ANTXR1: variants seen among roughly 807,000 people sequenced by gnomAD.
ANTXR1 encodes the protein ANTXR cell adhesion molecule 1, also known as anthrax toxin receptor 1.
ANTXR1 carries 19 observed loss-of-function variants against 78.1 expected under a neutral mutation model. That is an observed-to-expected ratio of 0.24 (90% CI 0.17 to 0.36). The LOEUF (loss-of-function observed/expected upper bound fraction) is 0.36. Among genes scored for constraint, ANTXR1 ranks in the 10% least tolerant of loss-of-function variants. ANTXR1 has a pLI of 1.00. For missense variants in ANTXR1, 518 were observed against 718.6 expected (o/e 0.72, Z 3.19); for synonymous variants, 273 against 260.5 (o/e 1.05, Z -0.46).
At chr2:69,145,951 G>A in intron 12 of ANTXR1, 1 of 985,568 alleles carries the variant, frequency 1.0e-6, no homozygotes, top group Non-Finnish European at 1.2e-6. Flanking sequence ...GTATACCTTT[G>A]AGAACAGTGC....
At chr2:69,178,606 A>G (rs7560107) in intron 14 of ANTXR1, among the ~76,000 whole-genome samples, 12,350 of 152,100 alleles carry the variant, frequency 0.081, 1,674 homozygotes, top group African/African-American at 0.28. Flanking sequence ...TAGAGGGAGA[A>G]CTGCCCCCGT....
At chr2:69,054,845 G>A (rs561082744) in intron 3 of ANTXR1, among the ~76,000 whole-genome samples, 164 of 152,212 alleles carry the variant, frequency 1.1e-3, no homozygotes, top group African/African-American at 3.8e-3. Flanking sequence ...TCATTTTGAG[G>A]TACTGTTCTT....
intron 7 of ANTXR1, among the ~76,000 whole-genome samples, chr2:69,076,141 C>T (rs11126215): frequency 0.73 from 110,013 of 151,428 alleles, 40,776 homozygotes; most frequent in African/African-American, 0.89. Flanking sequence ...CACTTGGCTA[C>T]TTTTTTTTAA....
Position 69,013,474 on chromosome 2 carries a change from A to C in ANTXR1, c.-26A>C, listed in dbSNP as rs1470051009. ...GTTCGCGGAGCGTGGGAAGGAGCGG[A>C]CCCTGCTCTCCCCGGGCTGCGGGCC... On this transcript the variant is annotated 5_prime_UTR_variant, in exon 1 of 18. Coordinates refer to ENST00000303714, the MANE Select transcript of ANTXR1 (RefSeq NM_032208.3). This position sits in a 1 kb window ranked among gnomAD's most constrained non-coding sequence, Gnocchi z 5.0. The C allele has an allele frequency of 3.2e-6, 5 of 1,583,756 alleles. No individual in the cohort carries two copies. Among genetic ancestry groups the C allele is most frequent in the Non-Finnish European group, 4.3e-6 (5 of 1,167,416 alleles).
intron 12 of ANTXR1, chr2:69,145,632 C>T (rs1673202800): frequency 1.6e-6 from 2 of 1,237,356 alleles, no homozygotes; most frequent in African/African-American, 3.1e-5. Flanking sequence ...ATGCGGTGGG[C>T]ATCAGGCAGA....
At chr2:69,027,564 TA>T (rs770160133) in intron 1 of ANTXR1, among the ~76,000 whole-genome samples, 81 of 152,204 alleles carry the variant, frequency 5.3e-4, no homozygotes, top group Non-Finnish European at 8.4e-4. Context: ...CCATCAAGAC[TA>T]ACTCCTTTTC....
At chr2:69,051,081 T>A (rs1669918207) in intron 3 of ANTXR1, among the ~76,000 whole-genome samples, 1 of 152,112 alleles carries the variant, frequency 6.6e-6, no homozygotes, top group Admixed American at 6.5e-5. Flanking sequence ...AGGCCAGGAT[T>A]TTGAGACCAG....
chr2:69,075,595 T>A lies in ANTXR1; in HGVS notation c.498T>A (p.Asn166Lys). 1.2e-6 allele frequency: 2 copies of A among 1,614,100 alleles called. No homozygotes were observed. The highest frequency in any genetic ancestry group is 1.7e-6 in the Non-Finnish European group (2 of 1,179,960). ...DLFFYSEREA[N>K]RSRDLGAIVY... ...CCTTTCTTTCCTTTTCCCAGGCTAA[T>A]AGGTCTCGAGATCTTGGTGCAATTG... The change falls in exon 7 of 18, where the codon AAT (asparagine) becomes AAA (lysine). Residue 166 changes from asparagine to lysine, a missense_variant. Physicochemically the swap from Asn to Lys is moderately conservative, Grantham distance 94. Around this residue, in one of 5 missense-constraint regions of ANTXR1, gnomAD observed 264 missense variants for 391.8 expected, o/e 0.67. Transcript: ENST00000303714.
chr2:69,082,800 C>T (rs1670936524), intron 8 of ANTXR1, among the ~76,000 whole-genome samples: 1 of 152,210 alleles, frequency 6.6e-6, no homozygotes, highest in South Asian at 2.1e-4. Context: ...CAAGCCATCT[C>T]CATCTAGGAG....
chr2:69,110,145 A>G (rs1377220165), intron 10 of ANTXR1, among the ~76,000 whole-genome samples: 2 of 152,202 alleles, frequency 1.3e-5, no homozygotes, highest in South Asian at 4.1e-4. Flanking sequence ...TACAACACGC[A>G]GTCTTGGAAA....
At chr2:69,135,587 T>C (rs571899003) in intron 12 of ANTXR1, among the ~76,000 whole-genome samples, 3 of 152,262 alleles carry the variant, frequency 2.0e-5, no homozygotes, top group South Asian at 2.1e-4. Context: ...AAAGTTAGTA[T>C]AGCTATATTA....
Position 69,148,699 on chromosome 2 carries a change from C to T in ANTXR1, c.952-3470C>T, listed in dbSNP as rs147156192. Reference sequence around the variant, plus strand: ...CGCTGTGCTAACAACAATGTTATTACCATCATTGTCATTATTCTTATTCCA... The same window carrying T: ...CGCTGTGCTAACAACAATGTTATTATCATCATTGTCATTATTCTTATTCCA... On this transcript the variant is annotated intron_variant, in intron 12 of 17. Coordinates refer to ENST00000303714, the MANE Select transcript of ANTXR1 (RefSeq NM_032208.3). Among the ~76,000 whole-genome samples the T allele has an allele frequency of 7.6e-4, 116 of 152,338 alleles. 1 individual carries two copies. Among genetic ancestry groups the T allele is most frequent in the African/African-American group, 2.6e-3 (110 of 41,580 alleles).
chr2:69,188,756 CA>C (rs1365804851), intron 16 of ANTXR1, among the ~76,000 whole-genome samples: 1 of 152,214 alleles, frequency 6.6e-6, no homozygotes, highest in Admixed American at 6.5e-5. Flanking sequence ...GAGGTTTGTG[CA>C]TGACAGACAT....
At chr2:69,026,264 A>G (rs1022357444) in intron 1 of ANTXR1, among the ~76,000 whole-genome samples, 2 of 152,216 alleles carry the variant, frequency 1.3e-5, no homozygotes, top group African/African-American at 2.4e-5. Context: ...CTAAGTCTAG[A>G]CCACCTGGGT....
intron 1 of ANTXR1, among the ~76,000 whole-genome samples, chr2:69,028,092 GATAA>G (rs1407062794): frequency 6.6e-6 from 1 of 152,048 alleles, no homozygotes; most frequent in East Asian, 1.9e-4. Flanking sequence ...ATGATAAAAT[GATAA>G]ATAATGAATG....
intron 12 of ANTXR1, among the ~76,000 whole-genome samples, chr2:69,147,255 A>G (rs1215773043): frequency 1.3e-5 from 2 of 152,266 alleles, no homozygotes; most frequent in African/African-American, 2.4e-5. Context: ...CTGATTTAGC[A>G]TAACCGAACT....
chr2:69,118,862 G>C (rs1400088718), intron 10 of ANTXR1, among the ~76,000 whole-genome samples: 1 of 152,118 alleles, frequency 6.6e-6, no homozygotes, highest in Non-Finnish European at 1.5e-5. Flanking sequence ...AGAGAAAAAA[G>C]TCACTCATTT....
intron 8 of ANTXR1, among the ~76,000 whole-genome samples, chr2:69,083,027 T>C (rs2104254613): frequency 6.6e-6 from 1 of 152,342 alleles, no homozygotes; most frequent in South Asian, 2.1e-4. Flanking sequence ...ATCTATTCCA[T>C]GGTATATATA....
chr2:69,107,252 T>A (rs1671840045), intron 10 of ANTXR1, among the ~76,000 whole-genome samples: 1 of 152,178 alleles, frequency 6.6e-6, no homozygotes, highest in Non-Finnish European at 1.5e-5. Flanking sequence ...TTGTGTGGTT[T>A]TTTTTGAGAC....
Sources: allele counts gnomAD v4.1 joint callset (sites outside exome capture counted in the v4.1 genomes callset), GRCh38; gene constraint gnomAD v4.1.1; regional missense constraint gnomAD v4.1.1; non-coding constraint Gnocchi (gnomAD v3.1); transcripts MANE v1.5; gene names NCBI Gene and HGNC (gene_info 2026-07-23, HGNC 2026-07-21).